Variants in ERC2 observed in about 807,000 individuals in gnomAD.
ERC2 encodes ERC protein 2.
A neutral mutation model predicts 114.8 loss-of-function variants in ERC2; 42 were observed. That is an observed-to-expected ratio of 0.37 (90% CI 0.29 to 0.47). The LOEUF (loss-of-function observed/expected upper bound fraction) is 0.47. ERC2 is among the 20% of genes least tolerant of loss of function. The pLI is 0.99. For missense variants in ERC2, 939 were observed against 1,150.7 expected, an observed-to-expected ratio of 0.82 and a Z score of 2.66; for synonymous variants, 454 against 425.5, an observed-to-expected ratio of 1.07 and a Z score of -0.82.
chr3:55,691,772 A>G (rs2062683487), intron 16 of ERC2, among the ~76,000 whole-genome samples: 1 of 151,626 alleles, frequency 6.6e-6, no homozygotes, highest in South Asian at 2.1e-4. Context: ...ATACGGTGTT[A>G]ATTTTTCTTC....
intron 3 of ERC2, among the ~76,000 whole-genome samples, chr3:56,270,213 A>T (rs1286001278): frequency 1.3e-5 from 2 of 152,160 alleles, no homozygotes; most frequent in African/African-American, 4.8e-5. Flanking sequence ...TCTAATTTTT[A>T]CAAAAAAATG....
chr3:55,801,436 A>G (rs1301144490), intron 14 of ERC2, among the ~76,000 whole-genome samples: 1 of 152,216 alleles, frequency 6.6e-6, no homozygotes, highest in African/African-American at 2.4e-5. Flanking sequence ...TTCTGGTTGT[A>G]ACTCTTGAAC....
chr3:55,813,659 G>C (rs1279775888), intron 14 of ERC2, among the ~76,000 whole-genome samples: 1 of 152,064 alleles, frequency 6.6e-6, no homozygotes, highest in Non-Finnish European at 1.5e-5. Flanking sequence ...TCTCAGTACT[G>C]GCTATTTTTT....
intron 2 of ERC2, among the ~76,000 whole-genome samples, chr3:56,387,393 A>T (rs1001563262): frequency 6.6e-6 from 1 of 152,124 alleles, no homozygotes; most frequent in African/African-American, 2.4e-5. Context: ...TAACCTGTAC[A>T]ATGCAAAGTG....
chr3:55,815,569 G>A (rs1271925236), intron 14 of ERC2, among the ~76,000 whole-genome samples: 1 of 152,174 alleles, frequency 6.6e-6, no homozygotes, highest in East Asian at 1.9e-4. Context: ...CCTGGATAAG[G>A]ACTGCAGCCT....
chr3:55,745,247 A>G (rs2066234253), intron 14 of ERC2, among the ~76,000 whole-genome samples: 1 of 152,212 alleles, frequency 6.6e-6, no homozygotes, highest in Non-Finnish European at 1.5e-5. Flanking sequence ...ACTGTCCAAT[A>G]TCATTCCATC....
At chr3:55,550,970 C>T (rs55843321) in intron 17 of ERC2, among the ~76,000 whole-genome samples, 24,490 of 148,042 alleles carry the variant, frequency 0.17, 2,536 homozygotes, top group Middle Eastern at 0.27. Flanking sequence ...GAGCTGAGAT[C>T]GCGCCACTGC....
At chr3:56,208,906 CA>C (rs2048894163) in intron 3 of ERC2, among the ~76,000 whole-genome samples, 2 of 152,104 alleles carry the variant, frequency 1.3e-5, no homozygotes, top group African/African-American at 4.8e-5. Flanking sequence ...CCTCAGACAC[CA>C]ACTCCCTTAG....
At chr3:56,385,588 C>A (rs905606092) in intron 2 of ERC2, among the ~76,000 whole-genome samples, 2 of 152,124 alleles carry the variant, frequency 1.3e-5, no homozygotes, top group Non-Finnish European at 2.9e-5. Flanking sequence ...GTTCTAGTAG[C>A]ACAATCATTT....
At chr3:56,077,021 C>A (rs151146108) in intron 7 of ERC2, among the ~76,000 whole-genome samples, 1 of 152,156 alleles carries the variant, frequency 6.6e-6, no homozygotes, top group Non-Finnish European at 1.5e-5. Flanking sequence ...TTGACATGAG[C>A]TTATTATTCT....
intron 4 of ERC2, among the ~76,000 whole-genome samples, chr3:56,165,469 C>G (rs12487839): frequency 3.0e-5 from 4 of 132,532 alleles, no homozygotes; most frequent in Non-Finnish European, 4.8e-5. Context: ...ATCCCTCCCC[C>G]CTCCCCCCTG....
At chr3:55,827,825 A>T (rs1007261255) in intron 14 of ERC2, among the ~76,000 whole-genome samples, 8 of 152,248 alleles carry the variant, frequency 5.3e-5, no homozygotes, top group Admixed American at 2.6e-4. Context: ...TATGACTAGT[A>T]AACCAGACAT....
intron 13 of ERC2, among the ~76,000 whole-genome samples, chr3:55,905,712 A>C (rs939279197): frequency 6.6e-6 from 1 of 152,174 alleles, no homozygotes; most frequent in African/African-American, 2.4e-5. Flanking sequence ...CTGTATTGTC[A>C]AGACCCCTAC....
intron 3 of ERC2, among the ~76,000 whole-genome samples, chr3:56,287,398 T>C (rs1273089457): frequency 6.6e-6 from 1 of 152,198 alleles, no homozygotes; most frequent in African/African-American, 2.4e-5. Flanking sequence ...TCACAAAAAT[T>C]CACCTATTTG....
At chr3:56,026,783 ATATAT>A (rs2074081149) in intron 7 of ERC2, among the ~76,000 whole-genome samples, 1 of 152,212 alleles carries the variant, frequency 6.6e-6, no homozygotes, top group Non-Finnish European at 1.5e-5. Context: ...GGCCTTATTC[ATATAT>A]CATGAGTTTT....
chr3:56,151,192 G>C lies in ERC2; in HGVS notation c.1150-2060C>G, dbSNP rs1281180479. 7.9e-5 allele frequency among the ~76,000 whole-genome samples: 12 copies of C among 151,948 alleles called. 1 individual carries two copies. The highest frequency in any genetic ancestry group is 7.9e-4 in the Admixed American group (12 of 15,252). ...AGCAATTTTCATGCCTCAGCCTCCC[G>C]AGTAGCTGGGATTACCAGCCTGCGC... is the stretch of plus-strand genomic sequence containing the variant. On this transcript the variant is annotated intron_variant, in intron 4 of 17. Transcript: ENST00000288221.
In ERC2 at chr3:55,770,364, T is replaced by C. The variant is rs138207791; in HGVS notation, c.2565-35446A>G. 4.6e-5 allele frequency among the ~76,000 whole-genome samples: 7 copies of C among 152,288 alleles called. No homozygotes were observed. In the East Asian group the frequency reaches 1.4e-3, roughly 29 times the overall value. Reference sequence around the variant, plus strand: ...TTTGACTTGCATGGAATTTTAAAAATTTATTTTTTTAGTCGGTTGCCAAAA... The same window carrying C: ...TTTGACTTGCATGGAATTTTAAAAACTTATTTTTTTAGTCGGTTGCCAAAA... On this transcript the variant is annotated intron_variant, in intron 14 of 17. Transcript: ENST00000288221.
At chr3:55,811,882 C>A (rs1160849910) in intron 14 of ERC2, among the ~76,000 whole-genome samples, 2 of 152,164 alleles carry the variant, frequency 1.3e-5, no homozygotes. Context: ...TTCCAGGATA[C>A]ATACACAGGA....
chr3:56,411,497 T>C (rs2060939342), intron 2 of ERC2, among the ~76,000 whole-genome samples: 1 of 152,076 alleles, frequency 6.6e-6, no homozygotes, highest in Admixed American at 6.6e-5. Context: ...ATAGCATACT[T>C]GCAGGCTGTT....
Sources: allele counts gnomAD v4.1 joint callset (sites outside exome capture counted in the v4.1 genomes callset), GRCh38; gene constraint gnomAD v4.1.1; transcripts MANE v1.5; gene names NCBI Gene and HGNC (gene_info 2026-07-23, HGNC 2026-07-21).